The following CDH13 variants were observed in gnomAD, a reference collection of about 807,000 sequenced individuals.
CDH13 encodes the protein cadherin 13.
Under a neutral mutation model 63.8 loss-of-function variants are expected in CDH13, and 24 were observed. That is an observed-to-expected ratio of 0.38 (90% confidence interval 0.27 to 0.53). CDH13 has a LOEUF of 0.53. CDH13 is among the 20% of genes least tolerant of loss of function. CDH13 has a pLI of 0.85. For synonymous variants in CDH13, 503 were observed against 355.3 expected (o/e 1.42, Z -4.67); for missense variants, 1,049 against 903.1 (o/e 1.16, Z -2.07).
chr16:82,745,042 A>G (rs143969441), intron 1 of CDH13, among the ~76,000 whole-genome samples: 94 of 152,316 alleles, frequency 6.2e-4, no homozygotes, highest in African/African-American at 2.0e-3. Context: ...CAGAAATGCA[A>G]TCTAGTGACA....
At chr16:83,554,919 CTTT>C (rs200979734) in intron 7 of CDH13, among the ~76,000 whole-genome samples, 155 of 133,766 alleles carry the variant, frequency 1.2e-3, no homozygotes, top group Middle Eastern at 4.0e-3. Context: ...ACTGCTGAAT[CTTT>C]TTTTTTTTTT....
intron 3 of CDH13, among the ~76,000 whole-genome samples, chr16:83,100,525 A>C (rs1343329511): frequency 6.6e-6 from 1 of 152,238 alleles, no homozygotes; most frequent in African/African-American, 2.4e-5. Context: ...ATATTTCTGT[A>C]GCGGGCAGAA....
chr16:83,090,602 C>G (rs562012700), intron 3 of CDH13, among the ~76,000 whole-genome samples: 3 of 151,190 alleles, frequency 2.0e-5, no homozygotes, highest in East Asian at 3.9e-4. Context: ...AAGTGCTTGT[C>G]TCTGCTCAAA....
chr16:83,421,914 G>C (rs1181335387), intron 6 of CDH13, among the ~76,000 whole-genome samples: 2 of 152,196 alleles, frequency 1.3e-5, no homozygotes, highest in Non-Finnish European at 2.9e-5. Flanking sequence ...AGGAAACAAA[G>C]TTTTGGCAAT....
At chr16:83,470,169 A>G (rs1382081540) in intron 6 of CDH13, among the ~76,000 whole-genome samples, 2 of 151,982 alleles carry the variant, frequency 1.3e-5, no homozygotes, top group African/African-American at 4.8e-5. Context: ...CTATCCCTCT[A>G]CTTCCCACCT....
chr16:82,664,238 C>T (rs1460887270), intron 1 of CDH13, among the ~76,000 whole-genome samples: 1 of 152,246 alleles, frequency 6.6e-6, no homozygotes, highest in Non-Finnish European at 1.5e-5. Flanking sequence ...ATTGCCTGTT[C>T]TTCACATGGC....
At chr16:83,320,428 C>G (rs2090198059) in intron 5 of CDH13, among the ~76,000 whole-genome samples, 1 of 152,162 alleles carries the variant, frequency 6.6e-6, no homozygotes, top group Admixed American at 6.6e-5. Flanking sequence ...GCTGTGTTGT[C>G]ACCCAGGCAT....
intron 5 of CDH13, among the ~76,000 whole-genome samples, chr16:83,226,565 C>CT (rs1027914784): frequency 9.1e-4 from 139 of 152,132 alleles, no homozygotes; most frequent in African/African-American, 2.9e-3. Context: ...GATGGCTACC[C>CT]TTTTTTTTCT....
At position 83,360,389 on chromosome 16, in the gene CDH13, A is replaced by G. The variant is rs527619015; in HGVS notation, c.781+15383A>G. 5.9e-5 allele frequency among the ~76,000 whole-genome samples: 9 copies of G among 152,330 alleles called. No individual in the cohort carries two copies. In the South Asian group the frequency reaches 1.7e-3, roughly 28 times the overall value. On this transcript the variant is annotated intron_variant, in intron 6 of 13. Coordinates refer to ENST00000567109, the MANE Select transcript of CDH13 (RefSeq NM_001257.5). ...AATATATGGGAGGGGGTTCCTCAAG[A>G]AATAGAGCCTTCTACAATTTTAGTT...
At chr16:82,959,620 C>T (rs1026117039) in intron 2 of CDH13, among the ~76,000 whole-genome samples, 3 of 152,196 alleles carry the variant, frequency 2.0e-5, no homozygotes, top group East Asian at 3.9e-4. Context: ...TTTCAGGACC[C>T]TTGTGATTGC....
In CDH13 at chr16:83,799,885, A is replaced by G. The variant is rs1429355800; in HGVS notation, c.*4855A>G. On this transcript the variant is annotated 3_prime_UTR_variant, in exon 14 of 14. Transcript: ENST00000567109. ...AAGCATATACAAGACATGGAGAGAC[A>G]GCAAAAAATGGTGGGAATGGGTGTG... 1.3e-5 allele frequency: 2 copies of G among 152,238 alleles called. No individual in the cohort carries two copies. Among genetic ancestry groups the G allele is most frequent in the Non-Finnish European group, 2.9e-5 (2 of 68,046 alleles). 9.4% of individuals were successfully genotyped at this position (152,238 alleles called of 1,614,324 possible). A position where few individuals can be genotyped will look rare whatever the true frequency, so the allele number is the denominator to read the frequency against.
intron 6 of CDH13, among the ~76,000 whole-genome samples, chr16:83,358,789 T>G (rs2091104401): frequency 6.6e-6 from 1 of 152,208 alleles, no homozygotes; most frequent in Admixed American, 6.5e-5. Flanking sequence ...TCTGTTATCT[T>G]AGAGTTCCTT....
At chr16:82,886,638 T>A (rs2040896066) in intron 2 of CDH13, among the ~76,000 whole-genome samples, 1 of 151,980 alleles carries the variant, frequency 6.6e-6, no homozygotes, top group Admixed American at 6.6e-5. Flanking sequence ...AATGAGAAAG[T>A]TTTGGAATTT....
At chr16:83,707,705 G>A (rs1280428324) in intron 10 of CDH13, among the ~76,000 whole-genome samples, 1 of 151,778 alleles carries the variant, frequency 6.6e-6, no homozygotes, top group Non-Finnish European at 1.5e-5. Context: ...TATTGATCTG[G>A]TGGCCGTTCA....
At chr16:83,073,321 CTGTGTGTGTGTGTGTG>C (rs567463667) in intron 3 of CDH13, among the ~76,000 whole-genome samples, 1 of 139,802 alleles carries the variant, frequency 7.2e-6, no homozygotes, top group Non-Finnish European at 1.5e-5. Flanking sequence ...GGGTGTGTGT[CTGTGTGTGTGTGTGTG>C]TGTGTGTGTG....
intron 1 of CDH13, among the ~76,000 whole-genome samples, chr16:82,786,794 G>T (rs1218740054): frequency 6.6e-6 from 1 of 151,832 alleles, no homozygotes; most frequent in Non-Finnish European, 1.5e-5. Context: ...TCAGAATGAT[G>T]GTTTCCAGCT....
intron 7 of CDH13, among the ~76,000 whole-genome samples, chr16:83,532,171 C>A (rs1332178152): frequency 2.0e-5 from 3 of 152,160 alleles, no homozygotes; most frequent in African/African-American, 7.2e-5. Context: ...CCTCCTCAAC[C>A]ACAAGGGACT....
At chr16:83,451,075 C>G (rs2072874596) in intron 6 of CDH13, among the ~76,000 whole-genome samples, 1 of 152,080 alleles carries the variant, frequency 6.6e-6, no homozygotes, top group Non-Finnish European at 1.5e-5. Context: ...GGTCTGGGGA[C>G]CACACTTGGA....
At chr16:82,842,188 A>G (rs1268871087) in intron 1 of CDH13, among the ~76,000 whole-genome samples, 4 of 140,982 alleles carry the variant, frequency 2.8e-5, no homozygotes, top group East Asian at 4.2e-4. Context: ...ATATATACAC[A>G]TATATGTATA....
Sources: gnomAD v4.1 joint callset for allele counts (sites outside exome capture counted in the v4.1 genomes callset) on GRCh38, gnomAD v4.1.1 for gene constraint, MANE v1.5 for transcripts, NCBI Gene and HGNC (gene_info 2026-07-23, HGNC 2026-07-21) for gene names.